The following ATPAF1 variants were observed in gnomAD, a reference collection of about 807,000 sequenced individuals.
ATPAF1 encodes homolog of yeast ATP11.
In ATPAF1, 26 loss-of-function variants were observed where a neutral mutation model predicts 43.9. The ratio of observed to expected loss-of-function variants is 0.59; its 90% CI spans 0.43 to 0.82. The LOEUF (loss-of-function observed/expected upper bound fraction) is 0.82, where lower values mean the gene tolerates loss of function less well. Ranked by LOEUF, ATPAF1 falls within the 40% of genes least tolerant of loss-of-function variation. The pLI, the probability that ATPAF1 is intolerant of heterozygous loss-of-function variation, is 0.00. For synonymous variants in ATPAF1, 157 were observed against 168.0 expected, an observed-to-expected ratio of 0.93 and a Z score of 0.50; for missense variants, 366 against 435.0, an observed-to-expected ratio of 0.84 and a Z score of 1.41.
intron 1 of ATPAF1, chr1:46,665,606 T>C (rs1390008757): frequency 2.1e-6 from 3 of 1,462,224 alleles, no homozygotes; most frequent in South Asian, 1.2e-5. Context: ...TTGCAGGCTG[T>C]TCCCTAGGTT....
In ATPAF1 at chr1:46,668,263, G is replaced by T; in HGVS notation, c.60C>A (p.Ala20=). 7.2e-7 allele frequency: 1 copy of T among 1,389,736 alleles called. No individual in the cohort carries two copies. Among genetic ancestry groups the T allele is most frequent in the Non-Finnish European group, 9.4e-7 (1 of 1,068,194 alleles). 86.1% of individuals were successfully genotyped at this position (1,389,736 alleles called of 1,614,324 possible). ...CCGCGCACAGGCCCCGGTAGAGACC[G>T]GCCACCTGCAGGACCGCCGGTCCCG... Residue 20 remains alanine (A), a synonymous_variant, in exon 1 of 9, where the codon GCC becomes GCA. Transcript: ENST00000574428. This position sits in a 1 kb window ranked among gnomAD's most constrained non-coding sequence, Gnocchi z 4.4.
At chr1:46,650,493 C>T (rs978493724) in intron 6 of ATPAF1, among the ~76,000 whole-genome samples, 41 of 152,202 alleles carry the variant, frequency 2.7e-4, no homozygotes, top group African/African-American at 9.6e-4. Context: ...AAGAGAACTA[C>T]CACATGATCC....
intron 2 of ATPAF1, chr1:46,663,924 C>G (rs1224388751): frequency 7.8e-7 from 1 of 1,278,562 alleles, no homozygotes; most frequent in African/African-American, 1.5e-5. Context: ...GTGCACCATC[C>G]TAGGTTAGAA....
At chr1:46,663,441 C>A (rs1010529343) in intron 2 of ATPAF1, among the ~76,000 whole-genome samples, 21 of 152,192 alleles carry the variant, frequency 1.4e-4, no homozygotes, top group African/African-American at 4.1e-4. Flanking sequence ...CTCTCCAGCA[C>A]CTGTTGTTTC....
chr1:46,650,376 A>G (rs1676141434), intron 6 of ATPAF1, among the ~76,000 whole-genome samples: 1 of 151,908 alleles, frequency 6.6e-6, no homozygotes, highest in Non-Finnish European at 1.5e-5. Flanking sequence ...AAAAAAAAAA[A>G]TGCTGGTGAA....
intron 6 of ATPAF1, among the ~76,000 whole-genome samples, chr1:46,651,514 C>T (rs1402803061): frequency 1.3e-5 from 2 of 152,114 alleles, no homozygotes; most frequent in Non-Finnish European, 2.9e-5. Context: ...GGTATACACC[C>T]AGTAATGGGA....
At chr1:46,665,628 TAG>T (rs749123098) in intron 1 of ATPAF1, 1 of 1,520,156 alleles carries the variant, frequency 6.6e-7, no homozygotes, top group South Asian at 1.2e-5. Flanking sequence ...ACACAGGGCT[TAG>T]TCTCTCAGGT....
rs1385789739 is a variant in ATPAF1 at position 46,668,332 on chromosome 1, C to T, written c.-10G>A. 1 of 1,357,544 alleles carries T rather than the reference C, an allele frequency of 7.4e-7. No homozygotes were observed. The highest frequency in any genetic ancestry group is 2.8e-5 in the Admixed American group (1 of 35,514). The allele number at this position is 1,357,544 out of a possible 1,614,324, so 84.1% of individuals were successfully genotyped here. A position where few individuals can be genotyped will look rare whatever the true frequency, so the allele number is the denominator to read the frequency against. ...CCACCACAGCAGCCATGGCCGCCCC[C>T]GCCTCCTCCTCCTCCTCAGGCGCGT... On this transcript the variant is annotated 5_prime_UTR_variant, in exon 1 of 9. Transcript: ENST00000574428. This position sits in a 1 kb window ranked among gnomAD's most constrained non-coding sequence, Gnocchi z 4.4.
At chr1:46,659,939 T>TA (rs1676355757) in intron 2 of ATPAF1, among the ~76,000 whole-genome samples, 2 of 152,058 alleles carry the variant, frequency 1.3e-5, no homozygotes, top group Admixed American at 6.6e-5. Context: ...CCTTCATATG[T>TA]AAACCATCTA....
chr1:46,633,768 T>C (rs753441866), downstream of ATPAF1: 8 of 456,288 alleles, frequency 1.8e-5, no homozygotes, highest in South Asian at 1.1e-4. Context: ...TTTTCCATCA[T>C]TTCCTCACCC....
At chr1:46,660,121 C>T (rs895117277) in intron 2 of ATPAF1, among the ~76,000 whole-genome samples, 1 of 151,942 alleles carries the variant, frequency 6.6e-6, no homozygotes, top group Non-Finnish European at 1.5e-5. Context: ...GGTCTACAGG[C>T]TTGTGCCACC....
At chr1:46,633,789 G>A (rs773810431), downstream of ATPAF1, 3 of 456,154 alleles carry the variant, frequency 6.6e-6, no homozygotes, top group African/African-American at 2.0e-5. Context: ...GCTGGTGGAG[G>A]TGTATCAATG....
chr1:46,656,227 AG>A (rs1676269883), intron 4 of ATPAF1, among the ~76,000 whole-genome samples: 1 of 152,348 alleles, frequency 6.6e-6, no homozygotes. Context: ...ACACATTTGA[AG>A]CAGAGAATGA....
chr1:46,659,165 C>T (rs962050705), intron 2 of ATPAF1, among the ~76,000 whole-genome samples: 12 of 151,462 alleles, frequency 7.9e-5, no homozygotes, highest in Non-Finnish European at 5.9e-5. Context: ...CACTCTAGCC[C>T]GGGCAACAGA....
Position 46,668,165 on chromosome 1 carries a change from G to A in ATPAF1, c.158C>T (p.Ser53Leu), listed in dbSNP as rs887216758. ...GTCGGCGCCCCCCTCGGGCCGGCCC[G>A]AGCCGGGGCGCACTGGGAAGACGCG... is the stretch of plus-strand genomic sequence containing the variant. The change falls in exon 1 of 9, where the codon TCG (serine) becomes TTG (leucine). Residue 53 changes from serine (S) to leucine (L), a missense_variant. Ser to Leu is a moderately radical substitution (Grantham distance 145). Transcript: ENST00000574428. The surrounding 1 kb of genome is among the most constrained non-coding windows in gnomAD (Gnocchi z 4.4). 307 of 1,399,496 alleles carry A rather than the reference G, an allele frequency of 2.2e-4. No individual in the cohort carries two copies. Among genetic ancestry groups the A allele is most frequent in the Non-Finnish European group, 2.7e-4 (286 of 1,077,650 alleles). The allele number at this position is 1,399,496 out of a possible 1,614,324, so 86.7% of individuals were successfully genotyped here. A position where few individuals can be genotyped will look rare whatever the true frequency, so the allele number is the denominator to read the frequency against.
chr1:46,643,404 C>T, intron 7 of ATPAF1, 103 bp from the exon 8 acceptor site: 1 of 885,336 alleles, frequency 1.1e-6, no homozygotes, highest in Non-Finnish European at 1.7e-6. Flanking sequence ...TCTTAACAGC[C>T]CCTTGGGTGG....
chr1:46,634,853 T>C (rs1464537879), downstream of ATPAF1: 1 of 152,616 alleles, frequency 6.6e-6, no homozygotes, highest in Non-Finnish European at 1.5e-5. Flanking sequence ...AATCAGCCCA[T>C]AGCCCTGACA....
chr1:46,638,691 G>A (rs973129486), intron 8 of ATPAF1, among the ~76,000 whole-genome samples: 2 of 151,888 alleles, frequency 1.3e-5, no homozygotes, highest in Admixed American at 6.6e-5. Flanking sequence ...GACACAGAGA[G>A]AGATGTCTAC....
intron 2 of ATPAF1, among the ~76,000 whole-genome samples, chr1:46,660,124 G>C (rs1270033597): frequency 6.6e-6 from 1 of 151,854 alleles, no homozygotes; most frequent in South Asian, 2.1e-4. Flanking sequence ...CTACAGGCTT[G>C]TGCCACCATG....
Sources: gnomAD v4.1 joint callset for allele counts (sites outside exome capture counted in the v4.1 genomes callset) on GRCh38, gnomAD v4.1.1 for gene constraint, Gnocchi (gnomAD v3.1) non-coding constraint, MANE v1.5 for transcripts, NCBI Gene and HGNC (gene_info 2026-07-23, HGNC 2026-07-21) for gene names.